Variants in LRMDA observed in about 807,000 individuals in gnomAD.
LRMDA encodes the protein leucine rich melanocyte differentiation associated.
Under a neutral mutation model 29.8 loss-of-function variants are expected in LRMDA, and 18 were observed. That is an observed-to-expected ratio of 0.60 (90% CI 0.42 to 0.90). The LOEUF (loss-of-function observed/expected upper bound fraction) is 0.90. Ranked by LOEUF, LRMDA falls within the 40% of genes least tolerant of loss-of-function variation. The pLI, the probability that LRMDA is intolerant of heterozygous loss-of-function variation, is 0.00. For synonymous variants in LRMDA, 125 were observed against 109.4 expected, an observed-to-expected ratio of 1.14 and a Z score of -0.89; for missense variants, 273 against 273.9, an observed-to-expected ratio of 1.00 and a Z score of 0.02.
intron 2 of LRMDA, among the ~76,000 whole-genome samples, chr10:75,941,597 G>A (rs1425068730): frequency 1.3e-5 from 2 of 152,076 alleles, no homozygotes; most frequent in East Asian, 1.9e-4. Flanking sequence ...TTGTAACCTC[G>A]TGGGCAGATC....
intron 2 of LRMDA, among the ~76,000 whole-genome samples, chr10:75,783,556 G>C (rs1356188506): frequency 6.6e-6 from 1 of 151,592 alleles, no homozygotes; most frequent in Non-Finnish European, 1.5e-5. Context: ...TACCTAGCAT[G>C]CTGTTGTAGA....
chr10:76,420,126 T>C (rs1465234665), intron 6 of LRMDA, among the ~76,000 whole-genome samples: 1 of 151,990 alleles, frequency 6.6e-6, no homozygotes, highest in East Asian at 1.9e-4. Context: ...AGAGTTCATT[T>C]AATATTGGTG....
chr10:76,162,264 A>T (rs1850660614), intron 5 of LRMDA, among the ~76,000 whole-genome samples: 1 of 152,158 alleles, frequency 6.6e-6, no homozygotes, highest in Non-Finnish European at 1.5e-5. Flanking sequence ...AGGGAAGAAG[A>T]AAGGAGAGAG....
chr10:75,954,024 G>A (rs1427593503), intron 2 of LRMDA, among the ~76,000 whole-genome samples: 1 of 152,188 alleles, frequency 6.6e-6, no homozygotes, highest in Non-Finnish European at 1.5e-5. Flanking sequence ...TGCTCTTGCT[G>A]GCGTGACAAT....
chr10:76,156,490 C>T (rs1481116082), intron 5 of LRMDA, among the ~76,000 whole-genome samples: 1 of 152,078 alleles, frequency 6.6e-6, no homozygotes, highest in Non-Finnish European at 1.5e-5. Context: ...ACTTCTGACC[C>T]TTCCTCCTTA....
At chr10:75,990,379 G>C (rs1446931283) in intron 2 of LRMDA, among the ~76,000 whole-genome samples, 1 of 152,186 alleles carries the variant, frequency 6.6e-6, no homozygotes. Flanking sequence ...GCCCCTACCA[G>C]TAGTTTGTCT....
At position 76,005,726 on chromosome 10, in the gene LRMDA, C is replaced by G. The variant is rs184337727; in HGVS notation, c.132-30282C>G. On this transcript the variant is annotated intron_variant, in intron 2 of 6. Coordinates refer to ENST00000611255, the MANE Select transcript of LRMDA (RefSeq NM_001305581.2). ...CAGGCAGATTACGAGGTCAGGAGAT[C>G]GAGATCAACTTGGCTAACACAGTGA... Among the ~76,000 whole-genome samples the G allele has an allele frequency of 1.9e-3, 289 of 152,226 alleles. 1 individual carries two copies. Among genetic ancestry groups the G allele is most frequent in the Non-Finnish European group, 3.4e-3 (233 of 68,014 alleles).
intron 4 of LRMDA, among the ~76,000 whole-genome samples, chr10:76,051,363 CAG>C (rs1285659047): frequency 1.5e-4 from 23 of 152,238 alleles, no homozygotes; most frequent in African/African-American, 5.3e-4. Flanking sequence ...ATTGTTTGCA[CAG>C]AGACTTCAAA....
chr10:75,745,343 A>C (rs939901176), intron 2 of LRMDA, among the ~76,000 whole-genome samples: 4 of 152,178 alleles, frequency 2.6e-5, no homozygotes, highest in Non-Finnish European at 4.4e-5. Context: ...AATCAGGGTG[A>C]AATTCACATA....
intron 5 of LRMDA, among the ~76,000 whole-genome samples, chr10:76,216,697 C>G (rs534464660): frequency 2.1e-4 from 32 of 152,180 alleles, no homozygotes; most frequent in African/African-American, 7.7e-4. Flanking sequence ...TGCTATGTTG[C>G]TGATGAGAGT....
At chr10:76,201,105 A>ATTTG (rs869163689) in intron 5 of LRMDA, among the ~76,000 whole-genome samples, 1 of 73,992 alleles carries the variant, frequency 1.4e-5, no homozygotes, top group Non-Finnish European at 2.2e-5. Context: ...TTATTTATTT[A>ATTTG]TTTATATTTA....
chr10:76,518,883 C>T (rs1322161647), intron 6 of LRMDA, among the ~76,000 whole-genome samples: 1 of 152,154 alleles, frequency 6.6e-6, no homozygotes, highest in Non-Finnish European at 1.5e-5. Flanking sequence ...ATATATGGAA[C>T]ATTTTTTAAT....
At chr10:75,660,166 C>T (rs1227747350) in intron 2 of LRMDA, among the ~76,000 whole-genome samples, 1 of 152,164 alleles carries the variant, frequency 6.6e-6, no homozygotes, top group Non-Finnish European at 1.5e-5. Flanking sequence ...AAATATTGCA[C>T]ACATCTGTAA....
At chr10:75,658,221 CTT>C (rs1036981510) in intron 2 of LRMDA, among the ~76,000 whole-genome samples, 1 of 147,040 alleles carries the variant, frequency 6.8e-6, no homozygotes, top group African/African-American at 2.6e-5. Flanking sequence ...CGTGCAAAGC[CTT>C]TTTCACTGCA....
intron 6 of LRMDA, among the ~76,000 whole-genome samples, chr10:76,535,478 T>C (rs934223266): frequency 8.5e-5 from 13 of 152,176 alleles, no homozygotes; most frequent in Non-Finnish European, 1.9e-4. Context: ...GTCACTTAAA[T>C]AGGACTCTTC....
chr10:76,257,108 GT>G (rs1852609534), intron 5 of LRMDA, among the ~76,000 whole-genome samples: 1 of 151,994 alleles, frequency 6.6e-6, no homozygotes, highest in Non-Finnish European at 1.5e-5. Context: ...GCAAATTTAA[GT>G]TTATGCATGA....
chr10:76,433,394 C>A (rs1043945962), intron 6 of LRMDA, among the ~76,000 whole-genome samples: 1 of 152,140 alleles, frequency 6.6e-6, no homozygotes, highest in Non-Finnish European at 1.5e-5. Flanking sequence ...GGAGCCAGAA[C>A]GAGGCACAGA....
intron 2 of LRMDA, among the ~76,000 whole-genome samples, chr10:75,723,691 G>T (rs907827789): frequency 6.6e-6 from 1 of 152,216 alleles, no homozygotes; most frequent in Non-Finnish European, 1.5e-5. Context: ...CTTAACAGAA[G>T]TGGCAAGAGC....
At chr10:76,380,438 G>A (rs543622928) in intron 6 of LRMDA, among the ~76,000 whole-genome samples, 30 of 152,170 alleles carry the variant, frequency 2.0e-4, no homozygotes, top group African/African-American at 6.3e-4. Flanking sequence ...GGGAGGCCGA[G>A]GCAGGCGGAT....
Sources: allele counts gnomAD v4.1 joint callset (sites outside exome capture counted in the v4.1 genomes callset), GRCh38; gene constraint gnomAD v4.1.1; transcripts MANE v1.5; gene names NCBI Gene and HGNC (gene_info 2026-07-23, HGNC 2026-07-21).